CCT7: variants seen among roughly 807,000 people sequenced by gnomAD.
The protein encoded by CCT7 is chaperonin containing TCP1 subunit 7.
Under a neutral mutation model 56.6 loss-of-function variants are expected in CCT7, and 16 were observed. The observed-to-expected ratio is 0.28, with a 90% confidence interval of 0.19 to 0.43. The LOEUF (loss-of-function observed/expected upper bound fraction) is 0.43, where lower values mean the gene tolerates loss of function less well. CCT7 is among the 20% of genes least tolerant of loss of function. CCT7 has a pLI of 1.00. For synonymous variants in CCT7, 262 were observed against 254.8 expected (o/e 1.03, Z -0.27); for missense variants, 519 against 685.6 (o/e 0.76, Z 2.71).
chr2:73,252,959 C>T lies in CCT7; in HGVS notation c.*98C>T, dbSNP rs182776264. 3.9e-6 allele frequency: 3 copies of T among 759,746 alleles called. No individual in the cohort carries two copies. The highest frequency in any genetic ancestry group is 6.5e-6 in the Non-Finnish European group (3 of 463,494). The allele number at this position is 759,746 out of a possible 1,614,324, so 47.1% of individuals were successfully genotyped here. On this transcript the variant is annotated 3_prime_UTR_variant, in exon 12 of 12. Coordinates refer to ENST00000258091, the MANE Select transcript of CCT7 (RefSeq NM_006429.4). ...TTACAAGGAAGGGGTAGTAATTGGC[C>T]CACTCTCTTCTTACTGGAGGCTATT...
intron 5 of CCT7, chr2:73,244,302 G>C: frequency 3.3e-6 from 2 of 605,076 alleles, no homozygotes; most frequent in Non-Finnish European, 5.8e-6. Flanking sequence ...CAGACCCTTG[G>C]CTGTGTCCCA....
At chr2:73,242,657 A>G (rs1352361010) in intron 3 of CCT7, among the ~76,000 whole-genome samples, 1 of 152,248 alleles carries the variant, frequency 6.6e-6, no homozygotes, top group African/African-American at 2.4e-5. Context: ...TACAATAAGC[A>G]TGACAAGGAC....
intron 5 of CCT7, chr2:73,244,271 C>T: frequency 1.6e-6 from 1 of 618,060 alleles, no homozygotes; most frequent in East Asian, 2.7e-5. Flanking sequence ...CTCTATGTGC[C>T]TGGGGCTGTT....
In CCT7 at chr2:73,239,754, C is replaced by G. The variant is rs758087336; in HGVS notation, c.118C>G (p.Leu40Val). The G allele has an allele frequency of 1.6e-5, 26 of 1,613,848 alleles. No individual in the cohort carries two copies. Among genetic ancestry groups the G allele is most frequent in the Non-Finnish European group, 2.1e-5 (25 of 1,179,872 alleles). Residue 40 changes from leucine to valine, a missense_variant, in exon 2 of 12, where the codon CTG (leucine) becomes GTG (valine). By Grantham distance (32) the Leu-to-Val change is conservative. This residue lies in a region of CCT7 where 276 missense variants were observed against 357.3 expected (regional missense o/e 0.77). Coordinates refer to ENST00000258091, the MANE Select transcript of CCT7 (RefSeq NM_006429.4). The part of the protein sequence containing the change: ...QVIAEAVRTT[L>V]GPRGMDKLIV... ...GATTGCTGAGGCTGTAAGAACTACC[C>G]TGGGTCCCCGTGGCATGGACAAGCT...
chr2:73,242,934 T>C, intron 3 of CCT7, 70 bp from the exon 4 acceptor site: 2 of 1,598,854 alleles, frequency 1.3e-6, no homozygotes, highest in Non-Finnish European at 8.6e-7. Context: ...GTAGCGTGCC[T>C]AAAAATGGAG....
chr2:73,243,185 A>T, intron 4 of CCT7, 56 bp downstream of exon 4: 1 of 1,585,596 alleles, frequency 6.3e-7, no homozygotes. Context: ...CATTTCTCTT[A>T]GGAAGGGGAA....
intron 4 of CCT7, among the ~76,000 whole-genome samples, chr2:73,243,391 A>C (rs988213538): frequency 6.6e-6 from 1 of 152,134 alleles, no homozygotes; most frequent in Non-Finnish European, 1.5e-5. Flanking sequence ...TAAGAGACTC[A>C]TGGCATACTA....
intron 1 of CCT7, among the ~76,000 whole-genome samples, chr2:73,236,993 T>C (rs1686912233): frequency 6.6e-6 from 1 of 152,248 alleles, no homozygotes; most frequent in African/African-American, 2.4e-5. Flanking sequence ...TGTCAAGCAC[T>C]TACAAGTAGC....
rs772850271 is a variant in CCT7 at position 73,243,072 on chromosome 2, G to A, written c.336G>A (p.Val112=). The change falls in exon 4 of 12, where the codon GTG becomes GTA. Residue 112 remains valine (V), a synonymous_variant. Coordinates refer to ENST00000258091, the MANE Select transcript of CCT7 (RefSeq NM_006429.4). The stretch of plus-strand genomic sequence containing the variant: ...TTCTGAAGCAGGTGAAACCCTATGT[G>A]GAGGAAGGTTTACACCCCCAGATCA... The part of the protein sequence containing the change: ...AEFLKQVKPY[V]EEGLHPQIII... 2 of 1,613,998 alleles carry A rather than the reference G, an allele frequency of 1.2e-6. No individual in the cohort carries two copies. Among genetic ancestry groups the A allele is most frequent in the Non-Finnish European group, 1.7e-6 (2 of 1,179,876 alleles).
At chr2:73,248,695 G>A (rs1332021335) in intron 7 of CCT7, among the ~76,000 whole-genome samples, 1 of 152,076 alleles carries the variant, frequency 6.6e-6, no homozygotes, top group Non-Finnish European at 1.5e-5. Flanking sequence ...CAGCACCTCA[G>A]AAGAGTCTAG....
At chr2:73,251,697 C>T (rs1398307977) in intron 11 of CCT7, among the ~76,000 whole-genome samples, 2 of 152,150 alleles carry the variant, frequency 1.3e-5, no homozygotes, top group African/African-American at 2.4e-5. Flanking sequence ...TCCCAACATT[C>T]GGGAGGCCGA....
chr2:73,238,635 A>G (rs1686975374), intron 1 of CCT7, among the ~76,000 whole-genome samples: 1 of 152,260 alleles, frequency 6.6e-6, no homozygotes, highest in South Asian at 2.1e-4. Flanking sequence ...ATTTAACACA[A>G]TAAAAGTTTT....
chr2:73,248,521 T>C (rs1687443186), intron 7 of CCT7, among the ~76,000 whole-genome samples: 1 of 151,970 alleles, frequency 6.6e-6, no homozygotes, highest in Admixed American at 6.6e-5. Context: ...CAGCTAATTT[T>C]TTTTTGTATT....
At chr2:73,240,070 C>T (rs1687041593) in intron 2 of CCT7, 2 of 383,454 alleles carry the variant, frequency 5.2e-6, no homozygotes, top group African/African-American at 4.1e-5. Context: ...GTGTTCACTT[C>T]CATTGTTATC....
rs1461896270 is a variant in CCT7, at chr2:73,239,703, G to A, written c.67G>A (p.Val23Met). ...TDSSQGIPQL[V>M]SNISACQVIA... is the part of the protein sequence containing the mutation. ...TAGCTCCCAAGGCATCCCCCAGCTT[G>A]TGAGTAACATCAGTGCCTGCCAGGT... The change falls in exon 2 of 12, where the codon GTG becomes ATG. Residue 23 changes from valine to methionine, a missense_variant. Transcript: ENST00000258091. 4 of 1,613,870 alleles carry A rather than the reference G, an allele frequency of 2.5e-6. No homozygotes were observed. The highest frequency in any genetic ancestry group is 1.7e-5 in the Admixed American group (1 of 60,008).
Position 73,239,770 on chromosome 2 carries a change from T to C in CCT7, c.134T>C (p.Met45Thr). 1 of 1,613,960 alleles carries C rather than the reference T, an allele frequency of 6.2e-7. No individual in the cohort carries two copies. The highest frequency in any genetic ancestry group is 8.5e-7 in the Non-Finnish European group (1 of 1,179,868). Reference sequence around the variant, plus strand: ...AGAACTACCCTGGGTCCCCGTGGCATGGACAAGCTTATTGTAGATGGCAGA... The same window carrying C: ...AGAACTACCCTGGGTCCCCGTGGCACGGACAAGCTTATTGTAGATGGCAGA... Reference protein sequence around the residue: ...AVRTTLGPRGMDKLIVDGRGK... With the variant: ...AVRTTLGPRGTDKLIVDGRGK... Residue 45 changes from methionine to threonine, a missense_variant, in exon 2 of 12, where the codon ATG becomes ACG. Met to Thr is a moderately conservative substitution (Grantham distance 81). Around this residue, in one of 3 missense-constraint regions of CCT7, gnomAD observed 276 missense variants for 357.3 expected, o/e 0.77. Transcript: ENST00000258091.
intron 3 of CCT7, among the ~76,000 whole-genome samples, chr2:73,241,271 A>G (rs1687100216): frequency 6.6e-6 from 1 of 152,208 alleles, no homozygotes; most frequent in South Asian, 2.1e-4. Context: ...CCAAGCCTAT[A>G]AAACAGGTAT....
chr2:73,234,872 A>G (rs562487624), intron 1 of CCT7, among the ~76,000 whole-genome samples: 5 of 152,260 alleles, frequency 3.3e-5, no homozygotes, highest in African/African-American at 1.2e-4. Context: ...TCACTCGCTG[A>G]CCCTCACCGC....
In CCT7 at chr2:73,251,240, G is replaced by A; in HGVS notation, c.1218G>A (p.Val406=). ...VRRAIKNDSV[V]AGGGAIEMEL... is the part of the protein sequence containing the mutation. ...GATCTCTGCAGAATGATTCAGTGGT[G>A]GCTGGTGGCGGGGCCATTGAGATGG... Residue 406 remains valine (V), a synonymous_variant, in exon 11 of 12, where the codon GTG becomes GTA. Transcript: ENST00000258091. 1 of 1,614,172 alleles carries A rather than the reference G, an allele frequency of 6.2e-7. No homozygotes were observed. The highest frequency in any genetic ancestry group is 8.5e-7 in the Non-Finnish European group (1 of 1,180,024).
Sources: allele counts gnomAD v4.1 joint callset (sites outside exome capture counted in the v4.1 genomes callset), GRCh38; gene constraint gnomAD v4.1.1; regional missense constraint gnomAD v4.1.1; transcripts MANE v1.5; gene names NCBI Gene and HGNC (gene_info 2026-07-23, HGNC 2026-07-21).